DOCK9: variants seen among roughly 807,000 people sequenced by gnomAD.
The protein encoded by DOCK9 is dedicator of cytokinesis protein 9.
A neutral mutation model predicts 263.3 loss-of-function variants in DOCK9; 89 were observed. That is an observed-to-expected ratio of 0.34 (90% CI 0.28 to 0.40). The LOEUF (loss-of-function observed/expected upper bound fraction) is 0.40, where lower values mean the gene tolerates loss of function less well. Ranked by LOEUF, DOCK9 falls within the 10% of genes least tolerant of loss-of-function variation. The pLI is 1.00. For synonymous variants in DOCK9, 976 were observed against 973.1 expected (o/e 1.00, Z -0.06); for missense variants, 2,140 against 2,603.4 (o/e 0.82, Z 3.87).
intron 31 of DOCK9, 101 bp downstream of exon 31, chr13:98,863,269 T>C (rs2093928079): frequency 1.9e-5 from 29 of 1,510,246 alleles, no homozygotes; most frequent in Non-Finnish European, 2.5e-5. Flanking sequence ...GAGCAAAATC[T>C]TAGTGCTGTT....
intron 45 of DOCK9, among the ~76,000 whole-genome samples, chr13:98,819,057 A>G (rs1363220808): frequency 6.6e-6 from 1 of 152,240 alleles, no homozygotes; most frequent in African/African-American, 2.4e-5. Context: ...CTATCACAGC[A>G]TAATGCACAT....
At chr13:98,848,906 A>G (rs2093474233) in intron 36 of DOCK9, among the ~76,000 whole-genome samples, 1 of 152,182 alleles carries the variant, frequency 6.6e-6, no homozygotes, top group African/African-American at 2.4e-5. Context: ...GCAGAGGCCC[A>G]CGACCGACAG....
chr13:99,027,607 G>C (rs1161630233), intron 1 of DOCK9, among the ~76,000 whole-genome samples: 2 of 152,296 alleles, frequency 1.3e-5, no homozygotes, highest in South Asian at 4.2e-4. Flanking sequence ...GAAACTCATT[G>C]TAAGTCATGA....
chr13:98,981,442 T>C (rs889065364), upstream of DOCK9, among the ~76,000 whole-genome samples: 11 of 152,202 alleles, frequency 7.2e-5, no homozygotes, highest in Admixed American at 3.9e-4. Context: ...AGGCTGGCAA[T>C]GTGTTTGCAG....
chr13:99,079,912 C>A (rs56745450), intron 1 of DOCK9, among the ~76,000 whole-genome samples: 1 of 151,998 alleles, frequency 6.6e-6, no homozygotes, highest in Non-Finnish European at 1.5e-5. Flanking sequence ...TGGTGGCACA[C>A]GCCTGTAATT....
chr13:98,935,642 C>T (rs1422008863), intron 2 of DOCK9, among the ~76,000 whole-genome samples: 11 of 152,198 alleles, frequency 7.2e-5, no homozygotes, highest in Non-Finnish European at 1.2e-4. Context: ...ATGGCGCACG[C>T]CTGTAGTCTC....
chr13:98,836,932 T>C lies in DOCK9; in HGVS notation c.4314+562A>G, dbSNP rs140093701. Among the ~76,000 whole-genome samples the C allele has an allele frequency of 1.5e-3, 222 of 152,274 alleles. 1 individual carries two copies. The highest frequency in any genetic ancestry group is 5.0e-3 in the African/African-American group (206 of 41,556). On this transcript the variant is annotated intron_variant, in intron 39 of 52. Coordinates refer to ENST00000682017, the MANE Select transcript of DOCK9 (RefSeq NM_001366683.2). ...AATCATTTAGCAAGAATGAGAAGTA[T>C]TGGGTTCCTAAAAACAGGAGAGTGG... is the stretch of plus-strand genomic sequence containing the variant.
At chr13:98,908,153 GA>G (rs1420406158) in intron 9 of DOCK9, among the ~76,000 whole-genome samples, 1 of 152,074 alleles carries the variant, frequency 6.6e-6, no homozygotes, top group African/African-American at 2.4e-5. Flanking sequence ...AAGTCAGGAA[GA>G]AAAAACACAA....
chr13:99,052,474 GGTAT>G (rs1475353169), intron 1 of DOCK9, among the ~76,000 whole-genome samples: 1 of 152,146 alleles, frequency 6.6e-6, no homozygotes, highest in Non-Finnish European at 1.5e-5. Context: ...GGTGTGAGGT[GGTAT>G]CTCACTGTGG....
chr13:98,870,816 C>T (rs186570103), intron 27 of DOCK9, among the ~76,000 whole-genome samples: 56 of 151,360 alleles, frequency 3.7e-4, no homozygotes, highest in Admixed American at 1.4e-3. Flanking sequence ...GTATGTAACA[C>T]GGTGAGGCTA....
At chr13:98,803,167 C>T (rs1265881804) in intron 49 of DOCK9, among the ~76,000 whole-genome samples, 1 of 152,174 alleles carries the variant, frequency 6.6e-6, no homozygotes, top group Non-Finnish European at 1.5e-5. Context: ...ACACAGGTGT[C>T]TGCCCCACCT....
Position 98,809,290 on chromosome 13 carries a change from T to G in DOCK9, c.5367+62A>C, listed in dbSNP as rs768032783. ...TAACTTTATTATAGTTTTTTTTTTG[T>G]TTTTGTTTTTGTTTTTTTTTAAAGG... On this transcript the variant is annotated intron_variant, in intron 47 of 52. Transcript: ENST00000682017. The G allele has an allele frequency of 8.5e-6, 12 of 1,408,882 alleles. 1 individual carries two copies. In the African/African-American group the frequency reaches 1.0e-4, roughly 12 times the overall value. The allele number at this position is 1,408,882 out of a possible 1,614,324, so 87.3% of individuals were successfully genotyped here.
chr13:98,860,185 C>A, intron 33 of DOCK9: 1 of 1,374,106 alleles, frequency 7.3e-7, no homozygotes, highest in Non-Finnish European at 9.4e-7. Flanking sequence ...CAGTGATTAA[C>A]TGTATGATCC....
intron 50 of DOCK9, among the ~76,000 whole-genome samples, chr13:98,799,709 GACTGC>G (rs1419553630): frequency 6.6e-6 from 1 of 152,140 alleles, no homozygotes; most frequent in Non-Finnish European, 1.5e-5. Context: ...ATTCCAGATG[GACTGC>G]AGACCTGGAT....
intron 35 of DOCK9, among the ~76,000 whole-genome samples, chr13:98,851,491 C>T (rs1294625783): frequency 1.1e-4 from 16 of 152,170 alleles, no homozygotes; most frequent in Admixed American, 1.0e-3. Context: ...TCAGCACACA[C>T]CAGACGAAGC....
intron 35 of DOCK9, among the ~76,000 whole-genome samples, chr13:98,852,968 A>C (rs2093614323): frequency 6.6e-6 from 1 of 152,224 alleles, no homozygotes; most frequent in Non-Finnish European, 1.5e-5. Context: ...CTCTAAATGG[A>C]AGGAATGCTT....
chr13:98,950,470 T>A (rs2057280159), intron 2 of DOCK9: 1 of 546,860 alleles, frequency 1.8e-6, no homozygotes, highest in Admixed American at 3.4e-5. Context: ...TAATATTTTT[T>A]AAATTTATTT....
At chr13:98,819,180 T>C (rs1457003313) in intron 45 of DOCK9, among the ~76,000 whole-genome samples, 2 of 152,156 alleles carry the variant, frequency 1.3e-5, no homozygotes, top group African/African-American at 4.8e-5. Context: ...CAACAAAATC[T>C]GGGTTTGGGG....
intron 30 of DOCK9, among the ~76,000 whole-genome samples, chr13:98,866,259 C>T (rs952028540): frequency 1.3e-5 from 2 of 152,026 alleles, no homozygotes; most frequent in Non-Finnish European, 2.9e-5. Context: ...GTAGAATAGC[C>T]GGGGATTGTC....
Sources: gnomAD v4.1 joint callset for allele counts (sites outside exome capture counted in the v4.1 genomes callset) on GRCh38, gnomAD v4.1.1 for gene constraint, MANE v1.5 for transcripts, NCBI Gene and HGNC (gene_info 2026-07-23, HGNC 2026-07-21) for gene names.